The following IGSF22 variants were observed in gnomAD, a reference collection of about 807,000 sequenced individuals.
IGSF22 encodes immunoglobulin superfamily member 22.
IGSF22 carries 119 observed loss-of-function variants against 127.0 expected under a neutral mutation model. The ratio of observed to expected loss-of-function variants is 0.94; its 90% CI spans 0.81 to 1.09. IGSF22 has a LOEUF of 1.09. Among genes scored for constraint, IGSF22 ranks in the 50% least tolerant of loss-of-function variants. The pLI, the probability that IGSF22 is intolerant of heterozygous loss-of-function variation, is 0.00. For synonymous variants in IGSF22, 568 were observed against 664.7 expected (o/e 0.85, Z 2.24); for missense variants, 1,518 against 1,716.6 (o/e 0.88, Z 2.04).
rs1848367629 is a variant in IGSF22, at chr11:18,712,067, G to A, written c.2398+15C>T. 1 of 1,541,738 alleles carries A rather than the reference G, an allele frequency of 6.5e-7. No individual in the cohort carries two copies. Among genetic ancestry groups the A allele is most frequent in the Non-Finnish European group, 8.8e-7 (1 of 1,140,392 alleles). On this transcript the variant is annotated intron_variant, in intron 15 of 22. Transcript: ENST00000513874. ...CCCCTGGGTTCCCCACTGAGCACCA[G>A]GCTATCTCACTGACCTATGGGATTT...
chr11:18,712,428 G>T, intron 14 of IGSF22, 44 bp from the exon 15 acceptor site: 1 of 1,494,978 alleles, frequency 6.7e-7, no homozygotes. Context: ...TGGAACAAAG[G>T]ATCAGAAGGG....
At chr11:18,712,881 T>A (rs1450967352) in intron 14 of IGSF22, among the ~76,000 whole-genome samples, 1 of 152,176 alleles carries the variant, frequency 6.6e-6, no homozygotes, top group African/African-American at 2.4e-5. Context: ...CAGAGCTCGA[T>A]GGAAATGCAG....
Position 18,718,662 on chromosome 11 carries a change from A to G in IGSF22, c.763T>C (p.Cys255Arg). 6.2e-7 allele frequency: 1 copy of G among 1,613,848 alleles called. No homozygotes were observed. Among genetic ancestry groups the G allele is most frequent in the Non-Finnish European group, 8.5e-7 (1 of 1,179,696 alleles). ...TKVDTTVVFD[C>R]IMELKDPNVK... ...TTGGGGTCTTTCAGTTCCATTATGCAGTCAAAGACCACTGTGGTGTCAACC... is the reference window on the plus strand; with the variant it reads ...TTGGGGTCTTTCAGTTCCATTATGCGGTCAAAGACCACTGTGGTGTCAACC... The change falls in exon 8 of 23, where the codon TGC becomes CGC. Residue 255 changes from cysteine (C) to arginine (R), a missense_variant. This residue lies in a region of IGSF22 where 1,456 missense variants were observed against 1,644.9 expected (regional missense o/e 0.89). Transcript: ENST00000513874.
chr11:18,715,832 T>C, intron 10 of IGSF22, 116 bp from the exon 11 acceptor site: 1 of 1,141,710 alleles, frequency 8.8e-7, no homozygotes, highest in Non-Finnish European at 1.3e-6. Context: ...GAACTTGTGA[T>C]GCTGAATGTG....
chr11:18,717,148 C>G (rs1307623786), intron 9 of IGSF22, 148 bp from the exon 10 acceptor site: 2 of 746,326 alleles, frequency 2.7e-6, no homozygotes, highest in African/African-American at 3.5e-5. Flanking sequence ...GAGCCCTTCT[C>G]TCCTGGAGTC....
chr11:18,710,562 A>G, intron 16 of IGSF22, 93 bp downstream of exon 16: 1 of 1,583,660 alleles, frequency 6.3e-7, no homozygotes, highest in Non-Finnish European at 8.6e-7. Flanking sequence ...AAACTTCCAG[A>G]AGAGTTGGAT....
intron 21 of IGSF22, 137 bp from the exon 22 acceptor site, chr11:18,706,283 GT>G: frequency 1.2e-6 from 1 of 833,656 alleles, no homozygotes; most frequent in Non-Finnish European, 1.8e-6. Context: ...GGGGCCCAAT[GT>G]TACACTGGTT....
At chr11:18,718,223 A>G in intron 8 of IGSF22, 130 bp from the exon 9 acceptor site, 1 of 810,004 alleles carries the variant, frequency 1.2e-6, no homozygotes, top group South Asian at 1.8e-5. Context: ...GATCCCTATG[A>G]TCTCTATAGC....
chr11:18,718,205 AAGACAG>A, intron 8 of IGSF22, 112 bp from the exon 9 acceptor site: 1 of 944,844 alleles, frequency 1.1e-6, no homozygotes, highest in South Asian at 1.6e-5. Flanking sequence ...CAACCCTCTA[AAGACAG>A]AGATCCCTAT....
intron 15 of IGSF22, 35 bp downstream of exon 15, chr11:18,712,047 G>A: frequency 6.6e-7 from 1 of 1,520,420 alleles, no homozygotes; most frequent in Non-Finnish European, 8.9e-7. Context: ...GCTGACCCCT[G>A]GGTTCCCCAC....
Position 18,712,290 on chromosome 11 carries a change from T to C in IGSF22, c.2190A>G (p.Gly730=). The part of the protein sequence containing the change: ...MKWKAPKDNG[G]RPVTQFIVER... ...CCACTATGAACTGTGTCACAGGTCG[T>C]CCACCATTGTCCTTTGGGGCCTTCC... Residue 730 remains glycine (G), a synonymous_variant, in exon 15 of 23, where the codon GGA becomes GGG. Transcript: ENST00000513874. The C allele has an allele frequency of 6.4e-7, 1 of 1,551,722 alleles. No homozygotes were observed. The highest frequency in any genetic ancestry group is 8.7e-7 in the Non-Finnish European group (1 of 1,146,994).
Position 18,714,411 on chromosome 11 carries a change from T to C in IGSF22, c.1664A>G (p.Asp555Gly). 6.2e-7 allele frequency: 1 copy of C among 1,614,046 alleles called. No homozygotes were observed. The highest frequency in any genetic ancestry group is 8.5e-7 in the Non-Finnish European group (1 of 1,179,880). ...CTTCACAATCTGCATGCCTGGCAAG[T>C]CCGTGATCTGGGGGTCAGGGGTGGG... is the stretch of plus-strand genomic sequence containing the variant. ...VWLKDGKEIT[D>G]LPGMQIVKQG... Residue 555 changes from aspartate (D) to glycine (G), a missense_variant, in exon 13 of 23, where the codon GAC becomes GGC. By Grantham distance (94) the Asp-to-Gly change is moderately conservative. Transcript: ENST00000513874.
chr11:18,723,353 A>C (rs1317122075), intron 2 of IGSF22, among the ~76,000 whole-genome samples: 1 of 152,222 alleles, frequency 6.6e-6, no homozygotes, highest in Non-Finnish European at 1.5e-5. Flanking sequence ...TCTGGTCTAG[A>C]CCATAGGCCT....
chr11:18,721,905 C>G lies in IGSF22; in HGVS notation c.241+5G>C. The G allele has an allele frequency of 6.2e-7, 1 of 1,612,562 alleles. No individual in the cohort carries two copies. Among genetic ancestry groups the G allele is most frequent in the Non-Finnish European group, 8.5e-7 (1 of 1,180,020 alleles). On this transcript the variant is annotated splice_donor_5th_base_variant and intron_variant, in intron 3 of 22. Transcript: ENST00000513874. ...GAGCCCGGTGAGCCACAGGCAGCAA[C>G]ACACCCTCGGGCGCGGTGACCGGTT...
rs1244842207 is a variant in IGSF22 at position 18,714,325 on chromosome 11, T to C, written c.1750A>G (p.Thr584Ala). ...SMGPEHEGKYTFRAKGTESEA... is the reference protein window; with the variant it reads ...SMGPEHEGKYAFRAKGTESEA... ...CTTTCCGTGCCCTTGGCCCGGAATG[T>C]GTACTTGCCCTCGTGCTCAGGGCCC... Residue 584 changes from threonine (T) to alanine (A), a missense_variant, in exon 13 of 23, where the codon ACA becomes GCA. This residue lies in a region of IGSF22 where 1,456 missense variants were observed against 1,644.9 expected (regional missense o/e 0.89). Transcript: ENST00000513874. 1 of 1,614,242 alleles carries C rather than the reference T, an allele frequency of 6.2e-7. No homozygotes were observed. The highest frequency in any genetic ancestry group is 1.7e-5 in the Admixed American group (1 of 60,034).
Position 18,706,155 on chromosome 11 carries a change from G to A in IGSF22, c.3581-9C>T, listed in dbSNP as rs1848224810. On this transcript the variant is annotated splice_polypyrimidine_tract_variant and intron_variant, in intron 21 of 22. Transcript: ENST00000513874. Reference sequence around the variant, plus strand: ...GGCGCTCAGGTCCTGGACTGCGCGGGCGGGGCGGGGCAGGCCGTGAGGGCG... The same window carrying A: ...GGCGCTCAGGTCCTGGACTGCGCGGACGGGGCGGGGCAGGCCGTGAGGGCG... 1 of 1,529,896 alleles carries A rather than the reference G, an allele frequency of 6.5e-7. No homozygotes were observed. Among genetic ancestry groups the A allele is most frequent in the East Asian group, 2.5e-5 (1 of 40,702 alleles). 94.8% of individuals were successfully genotyped at this position (1,529,896 alleles called of 1,614,324 possible). A position where few individuals can be genotyped will look rare whatever the true frequency, so the allele number is the denominator to read the frequency against.
Position 18,719,621 on chromosome 11 carries a change from G to A in IGSF22, c.696+95C>T, listed in dbSNP as rs531095510. The stretch of plus-strand genomic sequence containing the variant: ...CTCTGAGTATGTGTGTGCAGAACTG[G>A]GGAGACCTTCTTGCTGAGAAATACA... On this transcript the variant is annotated intron_variant, in intron 7 of 22. Coordinates refer to ENST00000513874, the MANE Select transcript of IGSF22 (RefSeq NM_173588.4). 56 of 1,254,154 alleles carry A rather than the reference G, an allele frequency of 4.5e-5. 1 individual carries two copies. In the South Asian group the frequency reaches 7.7e-4, roughly 17 times the overall value. 77.7% of individuals were successfully genotyped at this position (1,254,154 alleles called of 1,614,324 possible).
In IGSF22 at chr11:18,718,776, C is replaced by T. The variant is rs750633933; in HGVS notation, c.697-48G>A. 1.8e-5 allele frequency: 21 copies of T among 1,139,294 alleles called. No individual in the cohort carries two copies. In the South Asian group the frequency reaches 2.6e-4, roughly 14 times the overall value. The allele number at this position is 1,139,294 out of a possible 1,614,324, so 70.6% of individuals were successfully genotyped here. On this transcript the variant is annotated intron_variant, in intron 7 of 22. Transcript: ENST00000513874. ...TGACAAGTGTCAGTGGTACCCAAAGCCTGCCCAGACTGTGTCCTCAATCCT... is the reference window on the plus strand; with the variant it reads ...TGACAAGTGTCAGTGGTACCCAAAGTCTGCCCAGACTGTGTCCTCAATCCT...
At position 18,719,716 on chromosome 11, in the gene IGSF22, C is replaced by T. The variant is rs766499669; in HGVS notation, c.696G>A (p.Glu232=). The change falls in exon 7 of 23, where the codon GAG becomes GAA. Residue 232 remains glutamate, a splice_region_variant and synonymous_variant. Coordinates refer to ENST00000513874, the MANE Select transcript of IGSF22 (RefSeq NM_173588.4). ...CCCCTGCTCCCTGCAGGGTACTTAC[C>T]TCCACCTCTACTTTCTTCTTCATCT... ...LKEMKKKVEV[E]AIRILKPLED... is the part of the protein sequence containing the mutation. The T allele has an allele frequency of 3.7e-6, 6 of 1,613,880 alleles. No individual in the cohort carries two copies. The highest frequency in any genetic ancestry group is 3.3e-5 in the South Asian group (3 of 91,066).
Sources: gnomAD v4.1 joint callset for allele counts (sites outside exome capture counted in the v4.1 genomes callset) on GRCh38, gnomAD v4.1.1 for gene constraint, gnomAD v4.1.1 regional missense constraint, MANE v1.5 for transcripts, NCBI Gene and HGNC (gene_info 2026-07-23, HGNC 2026-07-21) for gene names.